The following WDR27 variants were observed in gnomAD, a reference collection of about 807,000 sequenced individuals.
The protein encoded by WDR27 is WD repeat-containing protein 27.
A neutral mutation model predicts 114.4 loss-of-function variants in WDR27; 100 were observed. The observed-to-expected ratio is 0.87, with a 90% CI of 0.74 to 1.03. WDR27 has a LOEUF of 1.03. Among genes scored for constraint, WDR27 ranks in the 50% least tolerant of loss-of-function variants. The probability of loss-of-function intolerance (pLI) is 0.00; values close to 1 mark genes in which losing one functional copy is unlikely to be tolerated. For missense variants in WDR27, 1,129 were observed against 1,092.9 expected (o/e 1.03, Z -0.47); for synonymous variants, 449 against 423.1 (o/e 1.06, Z -0.75).
chr6:169,621,779 T>C (rs1014633193), intron 21 of WDR27, among the ~76,000 whole-genome samples: 23 of 151,848 alleles, frequency 1.5e-4, no homozygotes, highest in Admixed American at 6.6e-4. Flanking sequence ...CGCACACACA[T>C]GCATGCATGC....
At chr6:169,664,431 C>T in intron 7 of WDR27, 145 bp from the exon 8 acceptor site, 1 of 1,514,516 alleles carries the variant, frequency 6.6e-7, no homozygotes, top group Non-Finnish European at 8.8e-7. Flanking sequence ...ACAGCTGTCT[C>T]CTGCCTTCAA....
chr6:169,610,811 T>C (rs1584561465), intron 22 of WDR27, among the ~76,000 whole-genome samples: 1 of 152,276 alleles, frequency 6.6e-6, no homozygotes, highest in East Asian at 1.9e-4. Context: ...CCTAATACCT[T>C]ATATTCTTAC....
chr6:169,615,492 C>T (rs1314686449), intron 21 of WDR27, among the ~76,000 whole-genome samples: 1 of 152,110 alleles, frequency 6.6e-6, no homozygotes, highest in Non-Finnish European at 1.5e-5. Context: ...ATACCTACGA[C>T]CGACTGATAT....
chr6:169,541,732 G>GA (rs1277218635), intron 25 of WDR27, among the ~76,000 whole-genome samples: 2 of 152,110 alleles, frequency 1.3e-5, no homozygotes, highest in Non-Finnish European at 2.9e-5. Context: ...AAACGGAAAA[G>GA]AAAAAAGTAC....
intron 25 of WDR27, among the ~76,000 whole-genome samples, chr6:169,569,834 T>C (rs1456802387): frequency 6.6e-6 from 1 of 152,172 alleles, no homozygotes; most frequent in Non-Finnish European, 1.5e-5. Flanking sequence ...ACTAAAATCT[T>C]TTCCAGTCTG....
downstream of WDR27, among the ~76,000 whole-genome samples, chr6:169,456,634 T>C (rs1487482362): frequency 6.6e-6 from 1 of 152,162 alleles, no homozygotes; most frequent in African/African-American, 2.4e-5. This position sits in a 1 kb window ranked among gnomAD's most constrained non-coding sequence, Gnocchi z 4.0. Flanking sequence ...GAGCCCTGCC[T>C]CAGTTGTTCA....
the WDR27 span, among the ~76,000 whole-genome samples, chr6:169,436,602 T>C: frequency 0.01 from 1,525 of 152,210 alleles, 17 homozygotes; most frequent in African/African-American, 0.033. Flanking sequence ...TCATAAAGTA[T>C]GTGTAATTGT....
At chr6:169,573,374 T>C (rs1265074948) in intron 24 of WDR27, among the ~76,000 whole-genome samples, 2 of 152,198 alleles carry the variant, frequency 1.3e-5, no homozygotes, top group Admixed American at 6.5e-5. Context: ...TCCTCTTTTA[T>C]TTCATTACAG....
Position 169,660,783 on chromosome 6 carries a change from A to T in WDR27, c.1026-17T>A, listed in dbSNP as rs1825861017. 6 of 1,607,502 alleles carry T rather than the reference A, an allele frequency of 3.7e-6. No individual in the cohort carries two copies. The East Asian group carries it at 1.3e-4, about 36-fold the overall frequency. On this transcript the variant is annotated splice_polypyrimidine_tract_variant and intron_variant, in intron 9 of 25. Transcript: ENST00000448612. ...GAAGAAAGACTGATTTAAGGAAAAA[A>T]AGAAAAGAATACACAATAATCTTAT...
intron 7 of WDR27, 26 bp from the exon 8 acceptor site, chr6:169,664,312 A>G (rs1827162838): frequency 3.1e-6 from 5 of 1,613,540 alleles, no homozygotes; most frequent in Non-Finnish European, 3.4e-6. Flanking sequence ...AGATGCAGAC[A>G]TGGCGCTGCA....
chr6:169,518,096 T>C (rs1793903024), intron 25 of WDR27, among the ~76,000 whole-genome samples: 7 of 152,238 alleles, frequency 4.6e-5, no homozygotes, highest in South Asian at 2.1e-4. Flanking sequence ...TCTGCCCCTA[T>C]GGGTTTGCAG....
intron 25 of WDR27, among the ~76,000 whole-genome samples, chr6:169,514,318 T>C (rs1793337116): frequency 6.6e-6 from 1 of 151,188 alleles, no homozygotes; most frequent in Non-Finnish European, 1.5e-5. Context: ...GAAGTCAAAC[T>C]GACAAAATAT....
intron 25 of WDR27, among the ~76,000 whole-genome samples, chr6:169,497,035 C>T (rs917870579): frequency 1.2e-4 from 19 of 152,048 alleles, no homozygotes; most frequent in African/African-American, 3.9e-4. Context: ...TAATTTCACA[C>T]ATTAATACAG....
rs368666139 is a variant in WDR27 at position 169,574,588 on chromosome 6, G to A, written c.2524-2048C>T. On this transcript the variant is annotated intron_variant, in intron 24 of 25. Transcript: ENST00000448612. The stretch of plus-strand genomic sequence containing the variant: ...AGAACGTGCCAGCCTCGGTCCCAGC[G>A]AGAGGTGGGAAGCTCATCCTGCAGT... 1.5e-4 allele frequency among the ~76,000 whole-genome samples: 23 copies of A among 152,320 alleles called. No individual in the cohort carries two copies. The East Asian group carries it at 2.1e-3, about 14-fold the overall frequency.
chr6:169,645,761 A>G (rs932946457), intron 16 of WDR27, among the ~76,000 whole-genome samples: 12 of 145,626 alleles, frequency 8.2e-5, no homozygotes, highest in Non-Finnish European at 1.4e-4. Context: ...ACAGGGTCAC[A>G]CTGTAGAAAA....
chr6:169,426,964 TGGGGGCAGTGG>T, the WDR27 span: 1 of 9,332 alleles, frequency 1.1e-4, no homozygotes, highest in Non-Finnish European at 3.3e-4. Flanking sequence ...GCTGTGGTGG[TGGGGGCAGTGG>T]GGGGGGGGTG....
chr6:169,530,439 A>C (rs1795449613), intron 25 of WDR27, among the ~76,000 whole-genome samples: 1 of 152,186 alleles, frequency 6.6e-6, no homozygotes, highest in South Asian at 2.1e-4. Flanking sequence ...TCTACGTATC[A>C]ACATTTACAA....
At chr6:169,675,534 T>C (rs1335508788) in intron 2 of WDR27, among the ~76,000 whole-genome samples, 1 of 152,098 alleles carries the variant, frequency 6.6e-6, no homozygotes, top group African/African-American at 2.4e-5. Context: ...CCCAAGGTGG[T>C]TGGGGTACAG....
chr6:169,571,959 C>T (rs1189562700), intron 25 of WDR27, among the ~76,000 whole-genome samples: 2 of 152,180 alleles, frequency 1.3e-5, no homozygotes, highest in Admixed American at 1.3e-4. Context: ...GATATTGGCA[C>T]TGTCAGTCAG....
Sources: gnomAD v4.1 joint callset for allele counts (sites outside exome capture counted in the v4.1 genomes callset) on GRCh38, gnomAD v4.1.1 for gene constraint, Gnocchi (gnomAD v3.1) non-coding constraint, MANE v1.5 for transcripts, NCBI Gene and HGNC (gene_info 2026-07-23, HGNC 2026-07-21) for gene names.